Variants in OPTN observed in about 807,000 individuals in gnomAD.
OPTN encodes the protein E3-14.7K-interacting protein.
Under a neutral mutation model 70.4 loss-of-function variants are expected in OPTN, and 54 were observed. The ratio of observed to expected loss-of-function variants is 0.77; its 90% CI spans 0.62 to 0.96. The LOEUF is 0.96. OPTN is among the 40% of genes least tolerant of loss of function. The pLI, the probability that OPTN is intolerant of heterozygous loss-of-function variation, is 0.00. For missense variants in OPTN, 624 were observed against 673.2 expected (o/e 0.93, Z 0.81); for synonymous variants, 256 against 248.5 (o/e 1.03, Z -0.28).
At chr10:13,120,922 G>A (rs1414453136) in intron 7 of OPTN, among the ~76,000 whole-genome samples, 4 of 152,236 alleles carry the variant, frequency 2.6e-5, no homozygotes, top group African/African-American at 9.6e-5. Flanking sequence ...CGAAGGGGAA[G>A]CAAGGCACCT....
intron 4 of OPTN, among the ~76,000 whole-genome samples, chr10:13,110,796 T>C (rs1161325497): frequency 6.6e-6 from 1 of 152,200 alleles, no homozygotes; most frequent in Non-Finnish European, 1.5e-5. Context: ...CCAACAATTG[T>C]TTTTAGTTTG....
At chr10:13,132,626 C>T (rs1359470828) in intron 13 of OPTN, among the ~76,000 whole-genome samples, 1 of 152,028 alleles carries the variant, frequency 6.6e-6, no homozygotes. Context: ...AGGTGATCCT[C>T]GTGCCTCAGC....
At chr10:13,119,940 C>T (rs1453294352) in intron 7 of OPTN, among the ~76,000 whole-genome samples, 3 of 151,030 alleles carry the variant, frequency 2.0e-5, no homozygotes, top group African/African-American at 7.3e-5. Flanking sequence ...ATTCTGGATA[C>T]AAGACCCTTA....
chr10:13,104,461 A>G, intron 1 of OPTN: 1 of 177,830 alleles, frequency 5.6e-6, no homozygotes, highest in Non-Finnish European at 1.1e-5. Context: ...TACAAAATTT[A>G]TTTAACAAAA....
At chr10:13,112,758 G>A in intron 5 of OPTN, 123 bp downstream of exon 5, 1 of 952,420 alleles carries the variant, frequency 1.0e-6, no homozygotes, top group Non-Finnish European at 1.6e-6. Flanking sequence ...GTGTAGCAAA[G>A]ATAAATTGGC....
Position 13,122,505 on chromosome 10 carries a change from AC to A in OPTN, c.882+19del. On this transcript the variant is annotated intron_variant, in intron 8 of 14. Coordinates refer to ENST00000378747, the MANE Select transcript of OPTN (RefSeq NM_001008212.2). Reference sequence around the variant, plus strand: ...CGGAGACTGTGAGTCCTAAGATTCCACGGCCACTACCACACCCACACACACG... The same window carrying A: ...CGGAGACTGTGAGTCCTAAGATTCCAGGCCACTACCACACCCACACACACG... The A allele has an allele frequency of 6.6e-7, 1 of 1,512,204 alleles. No individual in the cohort carries two copies. The highest frequency in any genetic ancestry group is 9.2e-7 in the Non-Finnish European group (1 of 1,087,142). The allele number at this position is 1,512,204 out of a possible 1,614,324, so 93.7% of individuals were successfully genotyped here. A position where few individuals can be genotyped will look rare whatever the true frequency, so the allele number is the denominator to read the frequency against.
chr10:13,129,499 C>A (rs986711104), intron 12 of OPTN, among the ~76,000 whole-genome samples: 1 of 152,078 alleles, frequency 6.6e-6, no homozygotes, highest in Non-Finnish European at 1.5e-5. Flanking sequence ...ACTACAGGCG[C>A]ACACCACCAC....
chr10:13,108,923 C>CA (rs1428117815), intron 2 of OPTN, 189 bp from the exon 3 acceptor site: 25 of 643,144 alleles, frequency 3.9e-5, no homozygotes, highest in Non-Finnish European at 4.5e-5. Flanking sequence ...CACACACACA[C>CA]ACTTTTCTGA....
chr10:13,136,832 C>A lies in OPTN; in HGVS notation c.1700C>A (p.Thr567Lys). The A allele has an allele frequency of 6.2e-7, 1 of 1,614,202 alleles. No homozygotes were observed. Among genetic ancestry groups the A allele is most frequent in the Non-Finnish European group, 8.5e-7 (1 of 1,180,034 alleles). Residue 567 changes from threonine (T) to lysine (K), a missense_variant, in exon 15 of 15, where the codon ACG (threonine) becomes AAG (lysine). Coordinates refer to ENST00000378747, the MANE Select transcript of OPTN (RefSeq NM_001008212.2). Reference protein sequence around the residue: ...KCGEVLPDIDTLQIHVMDCII With the variant: ...KCGEVLPDIDKLQIHVMDCII Reference sequence around the variant, plus strand: ...GGAGAGGTTCTGCCTGACATAGACACGTTACAGATTCACGTGATGGATTGC... The same window carrying A: ...GGAGAGGTTCTGCCTGACATAGACAAGTTACAGATTCACGTGATGGATTGC...
At chr10:13,113,611 C>T (rs1186011147) in intron 5 of OPTN, among the ~76,000 whole-genome samples, 2 of 152,150 alleles carry the variant, frequency 1.3e-5, no homozygotes, top group Non-Finnish European at 2.9e-5. Flanking sequence ...TAGGGGCAGC[C>T]CTATTGAAGA....
chr10:13,135,306 T>C (rs979466261), intron 14 of OPTN, among the ~76,000 whole-genome samples: 1 of 152,124 alleles, frequency 6.6e-6, no homozygotes, highest in Admixed American at 6.6e-5. Context: ...TCAGGGCTTA[T>C]TTCGAACATG....
chr10:13,132,163 C>T lies in OPTN; in HGVS notation c.1498C>T (p.Leu500=), dbSNP rs1275380383. The T allele has an allele frequency of 1.2e-6, 2 of 1,613,398 alleles. No individual in the cohort carries two copies. Among genetic ancestry groups the T allele is most frequent in the Non-Finnish European group, 1.7e-6 (2 of 1,179,536 alleles). Residue 500 remains leucine (L), a synonymous_variant, in exon 13 of 15, where the codon CTG becomes TTG. Transcript: ENST00000378747. The part of the protein sequence containing the change: ...EQLALQLAVL[L]KENDAFEDGG... ...ACTGGCATTGCAGCTGGCAGTTCTG[C>T]TGAAAGAGAATGATGCTTTCGAAGA...
chr10:13,104,342 C>T (rs909049075), intron 1 of OPTN, among the ~76,000 whole-genome samples: 104 of 147,316 alleles, frequency 7.1e-4, no homozygotes, highest in African/African-American at 2.4e-3. Context: ...TCACTGCAAC[C>T]TCTGCCTCCC....
chr10:13,103,552 T>C (rs1175918391), intron 1 of OPTN, among the ~76,000 whole-genome samples: 2 of 152,326 alleles, frequency 1.3e-5, no homozygotes, highest in South Asian at 2.1e-4. Context: ...TGCTCTGTCA[T>C]TGAAATACTC....
At chr10:13,108,081 G>GA (rs1432532833) in intron 1 of OPTN, 57 bp from the exon 2 acceptor site, 1 of 152,202 alleles carries the variant, frequency 6.6e-6, no homozygotes, top group African/African-American at 2.4e-5. Flanking sequence ...AGTATGCATT[G>GA]AAAAATAGAC....
At chr10:13,115,215 A>C (rs866985049) in intron 5 of OPTN, among the ~76,000 whole-genome samples, 6 of 86,934 alleles carry the variant, frequency 6.9e-5, no homozygotes, top group South Asian at 8.7e-4. Context: ...ATATTTATAT[A>C]TATATTTATA....
intron 6 of OPTN, among the ~76,000 whole-genome samples, chr10:13,117,448 T>TG (rs199995684): frequency 0.068 from 2,526 of 37,080 alleles, 180 homozygotes; most frequent in African/African-American, 0.21. Context: ...AGTTTTTTTT[T>TG]TTTTTTTTTT....
intron 12 of OPTN, among the ~76,000 whole-genome samples, chr10:13,128,316 G>A (rs143676855): frequency 4.1e-4 from 62 of 152,162 alleles, no homozygotes; most frequent in African/African-American, 1.5e-3. Context: ...TCAACAGAGA[G>A]TTTCCATGGC....
At position 13,122,457 on chromosome 10, in the gene OPTN, A is replaced by G. The variant is rs776142658; in HGVS notation, c.852A>G (p.Lys284=). Residue 284 remains lysine (K), a synonymous_variant, in exon 8 of 15, where the codon AAA becomes AAG. Transcript: ENST00000378747. ...IETQTEGSTE[K]ENDEEKGPET... ...CCCAGACAGAGGGGAGCACAGAGAA[A>G]GAGAATGATGAAGAGAAAGGCCCGG... 1 of 1,614,072 alleles carries G rather than the reference A, an allele frequency of 6.2e-7. No homozygotes were observed. The highest frequency in any genetic ancestry group is 8.5e-7 in the Non-Finnish European group (1 of 1,179,892).
Sources: gnomAD v4.1 joint callset for allele counts (sites outside exome capture counted in the v4.1 genomes callset) on GRCh38, gnomAD v4.1.1 for gene constraint, MANE v1.5 for transcripts, NCBI Gene and HGNC (gene_info 2026-07-23, HGNC 2026-07-21) for gene names.